The following CAST variants were observed in gnomAD, a reference collection of about 807,000 sequenced individuals.
CAST encodes the protein calpastatin.
A neutral mutation model predicts 119.6 loss-of-function variants in CAST; 76 were observed. That is an observed-to-expected ratio of 0.64 (90% CI 0.53 to 0.77). The LOEUF (loss-of-function observed/expected upper bound fraction) is 0.77, where lower values mean the gene tolerates loss of function less well. Among genes scored for constraint, CAST ranks in the 30% least tolerant of loss-of-function variants. The pLI, the probability that CAST is intolerant of heterozygous loss-of-function variation, is 0.00. For missense variants in CAST, 953 were observed against 946.5 expected, an observed-to-expected ratio of 1.01 and a Z score of -0.09; for synonymous variants, 319 against 331.6, an observed-to-expected ratio of 0.96 and a Z score of 0.41.
chr5:96,127,169 T>A, the CAST span, among the ~76,000 whole-genome samples: 1 of 152,134 alleles, frequency 6.6e-6, no homozygotes, highest in African/African-American at 2.4e-5. Flanking sequence ...CAATCACCTC[T>A]GATAATTTTA....
At chr5:96,478,132 C>T in the CAST span, among the ~76,000 whole-genome samples, 10 of 152,270 alleles carry the variant, frequency 6.6e-5, no homozygotes, top group Middle Eastern at 3.4e-3. Flanking sequence ...GCAATTTTCA[C>T]GATTTATTAC....
At chr5:96,058,835 A>G in the CAST span, among the ~76,000 whole-genome samples, 3 of 152,244 alleles carry the variant, frequency 2.0e-5, no homozygotes, top group South Asian at 6.2e-4. Flanking sequence ...AGACCTCCTT[A>G]ACAGAAATTA....
the CAST span, among the ~76,000 whole-genome samples, chr5:96,137,211 T>C: frequency 6.6e-6 from 1 of 152,194 alleles, no homozygotes; most frequent in South Asian, 2.1e-4. Context: ...CTGATCTTTT[T>C]ATCTTCTCAC....
intron 1 of CAST, among the ~76,000 whole-genome samples, chr5:96,652,208 G>A (rs1033316820): frequency 5.9e-5 from 9 of 152,208 alleles, no homozygotes; most frequent in African/African-American, 1.9e-4. Context: ...CATAGCAAAC[G>A]AGGTCCAGAC....
At chr5:96,242,917 A>G in the CAST span, among the ~76,000 whole-genome samples, 4 of 152,208 alleles carry the variant, frequency 2.6e-5, no homozygotes, top group Non-Finnish European at 5.9e-5. Flanking sequence ...TTATTCTTGC[A>G]TATGCTGAAA....
At chr5:96,654,028 T>TTTTC (rs1491360737) in intron 1 of CAST, among the ~76,000 whole-genome samples, 8 of 29,114 alleles carry the variant, frequency 2.7e-4, no homozygotes, top group Non-Finnish European at 4.9e-4. Context: ...TTTTCTTTTC[T>TTTTC]TTTTTTTTTT....
chr5:96,296,205 G>A, the CAST span, among the ~76,000 whole-genome samples: 18 of 152,158 alleles, frequency 1.2e-4, no homozygotes, highest in East Asian at 1.5e-3. Flanking sequence ...CCTTCTACAG[G>A]GTTTGCTACA....
At chr5:96,210,197 G>A in the CAST span, 1 of 151,824 alleles carries the variant, frequency 6.6e-6, no homozygotes, top group Non-Finnish European at 1.5e-5. Flanking sequence ...TATCATTCCA[G>A]TTTTAGTATA....
chr5:96,234,405 G>A, the CAST span, among the ~76,000 whole-genome samples: 1 of 152,284 alleles, frequency 6.6e-6, no homozygotes, highest in South Asian at 2.1e-4. Flanking sequence ...CTTACAGTTT[G>A]CATGGGAATA....
chr5:96,337,588 A>C, the CAST span, among the ~76,000 whole-genome samples: 1 of 152,166 alleles, frequency 6.6e-6, no homozygotes, highest in African/African-American at 2.4e-5. Context: ...GTTTGGAGGG[A>C]TCTGGGGACA....
the CAST span, among the ~76,000 whole-genome samples, chr5:96,387,862 G>C: frequency 1.3e-5 from 2 of 152,154 alleles, no homozygotes; most frequent in East Asian, 3.8e-4. Context: ...TAAATCACCT[G>C]TCACTGGGGC....
intron 3 of CAST, among the ~76,000 whole-genome samples, chr5:96,703,774 CAT>C (rs1038629439): frequency 3.3e-5 from 5 of 152,286 alleles, no homozygotes; most frequent in African/African-American, 1.2e-4. Flanking sequence ...TGCTGTTTCA[CAT>C]GTTTTTCAGA....
At chr5:96,042,135 C>G in the CAST span, among the ~76,000 whole-genome samples, 1 of 152,088 alleles carries the variant, frequency 6.6e-6, no homozygotes, top group South Asian at 2.1e-4. Flanking sequence ...TAAATAGAGT[C>G]TGAGAAAGAA....
chr5:96,377,047 T>A, the CAST span, among the ~76,000 whole-genome samples: 1 of 152,022 alleles, frequency 6.6e-6, no homozygotes, highest in Non-Finnish European at 1.5e-5. Context: ...AGATAAAAAT[T>A]TTATAGAATA....
At chr5:96,033,963 C>A in the CAST span, among the ~76,000 whole-genome samples, 1 of 151,944 alleles carries the variant, frequency 6.6e-6, no homozygotes, top group Non-Finnish European at 1.5e-5. Context: ...AACAAGAAAA[C>A]AAATCACCCA....
intron 3 of CAST, among the ~76,000 whole-genome samples, chr5:96,721,805 A>G (rs1302297786): frequency 6.6e-6 from 1 of 152,220 alleles, no homozygotes; most frequent in Non-Finnish European, 1.5e-5. Context: ...ATCCACACAC[A>G]CATCCCAGTA....
chr5:96,062,861 C>A, the CAST span, among the ~76,000 whole-genome samples: 55 of 152,192 alleles, frequency 3.6e-4, no homozygotes, highest in Admixed American at 1.2e-3. Flanking sequence ...GGTCACCCCC[C>A]AAGTTAAGCT....
chr5:96,531,617 T>C (rs1425573340), intron 1 of CAST, among the ~76,000 whole-genome samples: 4 of 152,120 alleles, frequency 2.6e-5, no homozygotes. Context: ...AAATAGACAA[T>C]TTAAGATCAC....
At chr5:96,195,626 A>T in the CAST span, among the ~76,000 whole-genome samples, 3 of 152,248 alleles carry the variant, frequency 2.0e-5, no homozygotes, top group Admixed American at 6.5e-5. Context: ...ACAATCAGTT[A>T]TCTGAACATC....
Sources: gnomAD v4.1 joint callset for allele counts (sites outside exome capture counted in the v4.1 genomes callset) on GRCh38, gnomAD v4.1.1 for gene constraint, MANE v1.5 for transcripts, NCBI Gene and HGNC (gene_info 2026-07-23, HGNC 2026-07-21) for gene names.